The following PPP1R12A variants were observed in gnomAD, a reference collection of about 807,000 sequenced individuals.
PPP1R12A encodes protein phosphatase 1 regulatory subunit 12A.
Under a neutral mutation model 139.6 loss-of-function variants are expected in PPP1R12A, and 19 were observed. The ratio of observed to expected loss-of-function variants is 0.14; its 90% CI spans 0.09 to 0.20. The LOEUF is 0.20. Among genes scored for constraint, PPP1R12A ranks in the 10% least tolerant of loss-of-function variants. The pLI, the probability that PPP1R12A is intolerant of heterozygous loss-of-function variation, is 1.00. For missense variants in PPP1R12A, 925 were observed against 1,211.5 expected (o/e 0.76, Z 3.51); for synonymous variants, 427 against 420.6 (o/e 1.02, Z -0.19).
chr12:79,849,069 T>A (rs1879743486), intron 2 of PPP1R12A: 1 of 151,950 alleles, frequency 6.6e-6, no homozygotes, highest in African/African-American at 2.4e-5. Flanking sequence ...TTTAAATGAG[T>A]TAAAAATAAA....
At chr12:79,889,676 A>G (rs943574023) in intron 1 of PPP1R12A, among the ~76,000 whole-genome samples, 1 of 152,234 alleles carries the variant, frequency 6.6e-6, no homozygotes, top group Non-Finnish European at 1.5e-5. Flanking sequence ...TACTACAGGA[A>G]GAAAAAATTA....
At chr12:79,926,723 C>T (rs565703199) in intron 1 of PPP1R12A, among the ~76,000 whole-genome samples, 2 of 124,052 alleles carry the variant, frequency 1.6e-5, no homozygotes, top group East Asian at 2.1e-4. Context: ...AACAAAATGC[C>T]GATACAAAAG....
chr12:79,932,919 C>G (rs773071949), intron 1 of PPP1R12A, among the ~76,000 whole-genome samples: 7 of 152,138 alleles, frequency 4.6e-5, no homozygotes, highest in Non-Finnish European at 7.4e-5. Flanking sequence ...TGATGCGAAC[C>G]ATTATCCAAT....
intron 8 of PPP1R12A, among the ~76,000 whole-genome samples, chr12:79,818,468 C>T (rs1265502158): frequency 2.6e-5 from 4 of 152,082 alleles, no homozygotes; most frequent in Non-Finnish European, 5.9e-5. Flanking sequence ...GTCTTGAACT[C>T]GTGAGCTTAA....
chr12:79,839,413 G>A (rs1878450072), intron 3 of PPP1R12A, among the ~76,000 whole-genome samples: 1 of 152,156 alleles, frequency 6.6e-6, no homozygotes, highest in Non-Finnish European at 1.5e-5. Context: ...CTGCTGGGAA[G>A]GTATGATTGT....
chr12:79,867,852 A>G (rs1294208279), intron 2 of PPP1R12A, among the ~76,000 whole-genome samples: 2 of 152,162 alleles, frequency 1.3e-5, no homozygotes, highest in African/African-American at 4.8e-5. Context: ...TTTGCTTGGC[A>G]CTTCTTCCTG....
intron 2 of PPP1R12A, among the ~76,000 whole-genome samples, chr12:79,847,275 C>A (rs1879524240): frequency 6.6e-6 from 1 of 152,128 alleles, no homozygotes; most frequent in Non-Finnish European, 1.5e-5. Flanking sequence ...CCTTCTAACA[C>A]CTGAAAAATA....
intron 1 of PPP1R12A, among the ~76,000 whole-genome samples, chr12:79,922,204 T>A (rs1424880804): frequency 6.6e-6 from 1 of 152,266 alleles, no homozygotes; most frequent in East Asian, 1.9e-4. Flanking sequence ...GAAGCTGCAG[T>A]GAGCTGTGTT....
chr12:79,823,575 T>C (rs776381251), intron 5 of PPP1R12A, among the ~76,000 whole-genome samples: 2 of 148,028 alleles, frequency 1.4e-5, no homozygotes, highest in African/African-American at 2.5e-5. Flanking sequence ...TAAAAAGCCA[T>C]TGTCTATGAA....
Position 79,778,539 on chromosome 12 carries a change from A to C in PPP1R12A, c.3006+11T>G. 1 of 1,502,260 alleles carries C rather than the reference A, an allele frequency of 6.7e-7. No individual in the cohort carries two copies. The highest frequency in any genetic ancestry group is 1.4e-5 in the African/African-American group (1 of 71,724). 93.1% of individuals were successfully genotyped at this position (1,502,260 alleles called of 1,614,324 possible). ...CAGCACTCTCTCTCATAAGTAACATAGTTTACTTACTTTGAGCTCTTCTTC... is the reference window on the plus strand; with the variant it reads ...CAGCACTCTCTCTCATAAGTAACATCGTTTACTTACTTTGAGCTCTTCTTC... On this transcript the variant is annotated intron_variant, in intron 24 of 24. Coordinates refer to ENST00000450142, the MANE Select transcript of PPP1R12A (RefSeq NM_002480.3).
At chr12:79,925,029 T>A (rs1394842656) in intron 1 of PPP1R12A, among the ~76,000 whole-genome samples, 1 of 152,144 alleles carries the variant, frequency 6.6e-6, no homozygotes, top group African/African-American at 2.4e-5. Context: ...TCGAATGATA[T>A]CATTTTCAAA....
intron 1 of PPP1R12A, among the ~76,000 whole-genome samples, chr12:79,904,152 T>C (rs1394684953): frequency 6.6e-6 from 1 of 151,152 alleles, no homozygotes; most frequent in Admixed American, 6.6e-5. Flanking sequence ...GAGGTGGAGG[T>C]TGTGGTGAGC....
At chr12:79,927,100 G>A (rs1263194883) in intron 1 of PPP1R12A, among the ~76,000 whole-genome samples, 1 of 151,982 alleles carries the variant, frequency 6.6e-6, no homozygotes, top group Admixed American at 6.6e-5. Flanking sequence ...GGCTGAGGTG[G>A]GAGGATCACT....
chr12:79,912,939 A>G (rs1886701117), intron 1 of PPP1R12A, among the ~76,000 whole-genome samples: 1 of 152,238 alleles, frequency 6.6e-6, no homozygotes, highest in Admixed American at 6.5e-5. Flanking sequence ...ATATTTGAAT[A>G]CATTAGAAAT....
intron 9 of PPP1R12A, among the ~76,000 whole-genome samples, chr12:79,811,159 C>A (rs1014258099): frequency 6.6e-6 from 1 of 152,068 alleles, no homozygotes; most frequent in African/African-American, 2.4e-5. Flanking sequence ...TTTTAAAAAT[C>A]ATTTCTTTCA....
In PPP1R12A at chr12:79,797,278, T is replaced by C. The variant is rs1463367541; in HGVS notation, c.2209A>G (p.Lys737Glu). ...TCCTTCTTTTCTTCTTGTTTCTCTTTATCTTGTTTCTCTTTTTCCTCTTTT... is the reference window on the plus strand; with the variant it reads ...TCCTTCTTTTCTTCTTGTTTCTCTTCATCTTGTTTCTCTTTTTCCTCTTTT... ...KEKEEKEKQD[K>E]EKQEEKKESE... is the part of the protein sequence containing the mutation. The change falls in exon 16 of 25, where the codon AAA becomes GAA. Residue 737 changes from lysine to glutamate, a missense_variant. By Grantham distance (56) the Lys-to-Glu change is moderately conservative (BLOSUM62 1). This residue lies in a region of PPP1R12A where 315 missense variants were observed against 363.4 expected (regional missense o/e 0.87). Transcript: ENST00000450142. 4 of 1,588,042 alleles carry C rather than the reference T, an allele frequency of 2.5e-6. No individual in the cohort carries two copies. The South Asian group carries it at 4.6e-5, about 18-fold the overall frequency.
Position 79,935,032 on chromosome 12 carries a change from G to A in PPP1R12A, c.-101C>T. 1 of 1,451,142 alleles carries A rather than the reference G, an allele frequency of 6.9e-7. No individual in the cohort carries two copies. The highest frequency in any genetic ancestry group is 9.1e-7 in the Non-Finnish European group (1 of 1,101,006). 89.9% of individuals were successfully genotyped at this position (1,451,142 alleles called of 1,614,324 possible). On this transcript the variant is annotated 5_prime_UTR_variant, in exon 1 of 25. Transcript: ENST00000450142. ...GGGGTGTGTGAATGTTTCTATGAGT[G>A]CGGGCCAGAGGAGGGCTGGGAACCC...
intron 1 of PPP1R12A, among the ~76,000 whole-genome samples, chr12:79,918,549 T>C (rs1053874882): frequency 2.0e-5 from 3 of 152,116 alleles, no homozygotes; most frequent in East Asian, 3.8e-4. Flanking sequence ...AGAAAACAGG[T>C]GCATGCACAT....
chr12:79,796,749 A>C (rs754601785), intron 17 of PPP1R12A, 33 bp downstream of exon 17: 1 of 1,523,386 alleles, frequency 6.6e-7, no homozygotes, highest in Non-Finnish European at 9.0e-7. Context: ...TATATGAAGA[A>C]AGCAAAGTGT....
Sources: gnomAD v4.1 joint callset for allele counts (sites outside exome capture counted in the v4.1 genomes callset) on GRCh38, gnomAD v4.1.1 for gene constraint, gnomAD v4.1.1 regional missense constraint, MANE v1.5 for transcripts, NCBI Gene and HGNC (gene_info 2026-07-23, HGNC 2026-07-21) for gene names.